HYCC2: variants seen among roughly 807,000 people sequenced by gnomAD.
The protein encoded by HYCC2 is hyccin PI4KA lipid kinase complex subunit 2, also known as hyccin 2.
At chr2:201,067,027 T>G in the HYCC2 span, 1 of 349,596 alleles carries the variant, frequency 2.9e-6, no homozygotes, top group Non-Finnish European at 5.7e-6. Context: ...TTGTGGATGT[T>G]AAAGCCAACA....
At chr2:201,023,667 A>G in the HYCC2 span, 1 of 214,504 alleles carries the variant, frequency 4.7e-6, no homozygotes, top group East Asian at 9.6e-5. Flanking sequence ...GTGCCTTATT[A>G]AAGCTTGATG....
At chr2:200,979,143 A>G in the HYCC2 span, 3 of 151,516 alleles carry the variant, frequency 2.0e-5, no homozygotes, top group African/African-American at 4.9e-5. Flanking sequence ...ATGGGCCTTT[A>G]TAGCTCATTT....
the HYCC2 span, among the ~76,000 whole-genome samples, chr2:201,064,743 C>G: frequency 6.6e-6 from 1 of 152,080 alleles, no homozygotes; most frequent in Non-Finnish European, 1.5e-5. Flanking sequence ...AATCAATAAA[C>G]GATTTAATTC....
the HYCC2 span, chr2:200,980,410 C>G: frequency 6.6e-6 from 1 of 152,552 alleles, no homozygotes; most frequent in African/African-American, 2.4e-5. Flanking sequence ...CCCACAAAAC[C>G]CCAGCACCAA....
chr2:201,022,631 G>A, the HYCC2 span: 2 of 426,460 alleles, frequency 4.7e-6, no homozygotes, highest in Admixed American at 8.3e-5. Flanking sequence ...ACACTCAACA[G>A]GAAAAAATTT....
At chr2:201,062,888 G>A in the HYCC2 span, among the ~76,000 whole-genome samples, 3 of 148,580 alleles carry the variant, frequency 2.0e-5, no homozygotes, top group East Asian at 2.0e-4. Context: ...ATATATATAC[G>A]GCAACTGTTG....
the HYCC2 span, among the ~76,000 whole-genome samples, chr2:201,000,573 A>C: frequency 6.6e-6 from 1 of 152,186 alleles, no homozygotes; most frequent in Non-Finnish European, 1.5e-5. Flanking sequence ...ATGGAAAATA[A>C]GCGTGAGAAT....
the HYCC2 span, among the ~76,000 whole-genome samples, chr2:201,004,005 G>C: frequency 0.028 from 4,314 of 151,690 alleles, 214 homozygotes; most frequent in African/African-American, 0.099. Flanking sequence ...AGTGAGACAG[G>C]GTTTCACCAT....
chr2:200,980,105 T>A, the HYCC2 span: 1 of 152,672 alleles, frequency 6.5e-6, no homozygotes, highest in African/African-American at 2.4e-5. Flanking sequence ...GAAGTATCAG[T>A]GTTTCAGCCA....
the HYCC2 span, among the ~76,000 whole-genome samples, chr2:200,997,807 G>A: frequency 3.2e-4 from 49 of 152,344 alleles, no homozygotes; most frequent in Non-Finnish European, 5.9e-4. Flanking sequence ...GGAGGCCGAA[G>A]TGGGTGGATC....
At chr2:201,055,010 T>C in the HYCC2 span, among the ~76,000 whole-genome samples, 1 of 152,130 alleles carries the variant, frequency 6.6e-6, no homozygotes, top group African/African-American at 2.4e-5. Flanking sequence ...AATAAATAAA[T>C]GTTTAAAGCG....
chr2:200,997,120 T>C, the HYCC2 span: 43 of 182,978 alleles, frequency 2.4e-4, no homozygotes, highest in African/African-American at 7.1e-4. Context: ...CTGAGAGTCG[T>C]GGTGTACACC....
the HYCC2 span, among the ~76,000 whole-genome samples, chr2:201,061,969 G>C: frequency 2.6e-5 from 4 of 152,052 alleles, no homozygotes; most frequent in Non-Finnish European, 4.4e-5. Flanking sequence ...ACTGGGCATG[G>C]TGGTGCATGC....
the HYCC2 span, among the ~76,000 whole-genome samples, chr2:200,988,853 G>T: frequency 6.6e-6 from 1 of 152,184 alleles, no homozygotes; most frequent in Non-Finnish European, 1.5e-5. Flanking sequence ...CCCTGAAAAG[G>T]AAAGTGACAT....
chr2:201,068,581 A>G, the HYCC2 span, among the ~76,000 whole-genome samples: 2 of 152,350 alleles, frequency 1.3e-5, no homozygotes, highest in African/African-American at 4.8e-5. Context: ...AGATGATATA[A>G]GTGATATGTG....
At chr2:201,005,033 A>AG in the HYCC2 span, among the ~76,000 whole-genome samples, 1 of 151,936 alleles carries the variant, frequency 6.6e-6, no homozygotes, top group East Asian at 1.9e-4. Context: ...AAAAAAAAAA[A>AG]AAAGACCAAA....
the HYCC2 span, among the ~76,000 whole-genome samples, chr2:201,058,055 C>G: frequency 6.6e-6 from 1 of 152,146 alleles, no homozygotes; most frequent in Non-Finnish European, 1.5e-5. Context: ...TGTCTCACAC[C>G]TCACACATTT....
the HYCC2 span, among the ~76,000 whole-genome samples, chr2:201,030,094 A>G: frequency 5.9e-5 from 9 of 152,264 alleles, no homozygotes; most frequent in African/African-American, 2.2e-4. Flanking sequence ...CTCAAAAACA[A>G]AAACAAAAAG....
chr2:201,025,883 A>G, the HYCC2 span, among the ~76,000 whole-genome samples: 3 of 152,152 alleles, frequency 2.0e-5, no homozygotes, highest in Non-Finnish European at 4.4e-5. Context: ...ACACAGCACG[A>G]GATTCCCATC....
Sources: allele counts gnomAD v4.1 joint callset (sites outside exome capture counted in the v4.1 genomes callset), GRCh38; gene constraint gnomAD v4.1.1; transcripts MANE v1.5; gene names NCBI Gene and HGNC (gene_info 2026-07-23, HGNC 2026-07-21).